The following ANKRD13C variants were observed in gnomAD, a reference collection of about 807,000 sequenced individuals.
The protein encoded by ANKRD13C is ankyrin repeat domain-containing protein 13C.
In ANKRD13C, 16 loss-of-function variants were observed where a neutral mutation model predicts 65.5. That is an observed-to-expected ratio of 0.24 (90% confidence interval 0.17 to 0.37). ANKRD13C has a LOEUF of 0.37. Among genes scored for constraint, ANKRD13C ranks in the 10% least tolerant of loss-of-function variants. The probability of loss-of-function intolerance (pLI) is 1.00; values close to 1 mark genes in which losing one functional copy is unlikely to be tolerated. For synonymous variants in ANKRD13C, 235 were observed against 238.7 expected, an observed-to-expected ratio of 0.98 and a Z score of 0.14; for missense variants, 503 against 655.9, an observed-to-expected ratio of 0.77 and a Z score of 2.55.
intron 2 of ANKRD13C, among the ~76,000 whole-genome samples, chr1:70,333,908 C>T (rs934891838): frequency 6.6e-6 from 1 of 151,976 alleles, no homozygotes; most frequent in East Asian, 1.9e-4. Context: ...AACATGTAGC[C>T]TTTTAATGAA....
At chr1:70,326,481 G>A (rs1425475687) in intron 2 of ANKRD13C, among the ~76,000 whole-genome samples, 1 of 152,128 alleles carries the variant, frequency 6.6e-6, no homozygotes, top group East Asian at 1.9e-4. Context: ...TTAAGACAGT[G>A]TAATGTGGGT....
At chr1:70,347,921 G>A (rs1344897766) in intron 1 of ANKRD13C, among the ~76,000 whole-genome samples, 1 of 152,052 alleles carries the variant, frequency 6.6e-6, no homozygotes, top group African/African-American at 2.4e-5. Flanking sequence ...GGGAAACTGA[G>A]GTCTATCCTA....
intron 12 of ANKRD13C, 23 bp downstream of exon 12, chr1:70,270,833 T>C (rs1678847816): frequency 6.7e-7 from 1 of 1,488,788 alleles, no homozygotes; most frequent in Admixed American, 1.8e-5. Flanking sequence ...GACACTAAAA[T>C]TATATCTAAT....
intron 12 of ANKRD13C, among the ~76,000 whole-genome samples, chr1:70,267,952 A>C (rs1678704952): frequency 6.6e-6 from 1 of 152,204 alleles, no homozygotes; most frequent in African/African-American, 2.4e-5. Context: ...GAAAGTAAGA[A>C]TAGAGAGACA....
intron 1 of ANKRD13C, among the ~76,000 whole-genome samples, chr1:70,342,741 C>T (rs1276880403): frequency 1.5e-5 from 1 of 64,708 alleles, no homozygotes; most frequent in East Asian, 1.1e-3. Context: ...CACACAATAA[C>T]ACACACACAC....
At chr1:70,327,335 A>T (rs1044347107) in intron 2 of ANKRD13C, among the ~76,000 whole-genome samples, 2 of 152,204 alleles carry the variant, frequency 1.3e-5, no homozygotes, top group Non-Finnish European at 2.9e-5. Context: ...CTGATTTTCA[A>T]TTCACAGAAA....
chr1:70,347,047 G>A (rs1258875174), intron 1 of ANKRD13C, among the ~76,000 whole-genome samples: 3 of 138,478 alleles, frequency 2.2e-5, no homozygotes, highest in African/African-American at 5.5e-5. Context: ...AGCCGAGATC[G>A]CGCCACTGCA....
At chr1:70,300,307 G>A (rs2101340213) in intron 7 of ANKRD13C, among the ~76,000 whole-genome samples, 1 of 152,252 alleles carries the variant, frequency 6.6e-6, no homozygotes, top group Middle Eastern at 3.4e-3. Flanking sequence ...ATGAAAATAG[G>A]CCAGGCGCAG....
intron 9 of ANKRD13C, among the ~76,000 whole-genome samples, chr1:70,288,536 A>G (rs903878098): frequency 6.6e-6 from 1 of 152,252 alleles, no homozygotes; most frequent in African/African-American, 2.4e-5. Flanking sequence ...CACTAATACC[A>G]TGAAATACTA....
Position 70,353,976 on chromosome 1 carries a change from C to A in ANKRD13C, c.430+3G>T. ...GAGGTGGAGAGGGGCTAGCACTCCT[C>A]ACCGTGATTATCTTTCTGCCCGATA... On this transcript the variant is annotated splice_donor_region_variant and intron_variant, in intron 1 of 12. Transcript: ENST00000370944. 6.6e-7 allele frequency: 1 copy of A among 1,526,080 alleles called. No homozygotes were observed. Among genetic ancestry groups the A allele is most frequent in the Admixed American group, 2.1e-5 (1 of 47,608 alleles). 94.5% of individuals were successfully genotyped at this position (1,526,080 alleles called of 1,614,324 possible). A position where few individuals can be genotyped will look rare whatever the true frequency, so the allele number is the denominator to read the frequency against.
chr1:70,341,403 C>T (rs1429140719), intron 1 of ANKRD13C, among the ~76,000 whole-genome samples: 1 of 148,716 alleles, frequency 6.7e-6, no homozygotes, highest in East Asian at 2.0e-4. Flanking sequence ...ATTCTGTCAC[C>T]CAGGCTGGAG....
chr1:70,295,307 G>A (rs1680033410), intron 8 of ANKRD13C, among the ~76,000 whole-genome samples: 1 of 151,560 alleles, frequency 6.6e-6, no homozygotes, highest in African/African-American at 2.4e-5. Flanking sequence ...GAGTGCAGTG[G>A]TGCCATCTCG....
At chr1:70,349,507 A>G (rs894329167) in intron 1 of ANKRD13C, among the ~76,000 whole-genome samples, 1 of 152,136 alleles carries the variant, frequency 6.6e-6, no homozygotes, top group African/African-American at 2.4e-5. Flanking sequence ...ACTCAAAAAA[A>G]AAAAAAATTC....
intron 2 of ANKRD13C, among the ~76,000 whole-genome samples, chr1:70,325,610 G>A (rs1681499857): frequency 6.6e-6 from 1 of 152,214 alleles, no homozygotes. Flanking sequence ...CGGGCGCGGT[G>A]GCTCACGCCT....
At chr1:70,346,723 A>C (rs1388674090) in intron 1 of ANKRD13C, among the ~76,000 whole-genome samples, 1 of 152,100 alleles carries the variant, frequency 6.6e-6, no homozygotes, top group Non-Finnish European at 1.5e-5. Flanking sequence ...TATCACCCTC[A>C]CAGTTTCCCC....
chr1:70,297,147 T>C (rs762624876), intron 7 of ANKRD13C, among the ~76,000 whole-genome samples: 1 of 152,034 alleles, frequency 6.6e-6, no homozygotes, highest in African/African-American at 2.4e-5. Context: ...CCTAGGGAGT[T>C]GTCTGGAGAA....
chr1:70,332,507 T>C (rs1048478571), intron 2 of ANKRD13C, among the ~76,000 whole-genome samples: 1 of 152,190 alleles, frequency 6.6e-6, no homozygotes, highest in Admixed American at 6.6e-5. Context: ...CGCTCTGTTA[T>C]CCAGGCTGCA....
At position 70,261,912 on chromosome 1, in the gene ANKRD13C, A is replaced by G. The variant is rs1385653510; in HGVS notation, c.*805T>C. On this transcript the variant is annotated 3_prime_UTR_variant, in exon 13 of 13. Coordinates refer to ENST00000370944, the MANE Select transcript of ANKRD13C (RefSeq NM_030816.5). The stretch of plus-strand genomic sequence containing the variant: ...AGGAATATCTTTAAACATGCTAACC[A>G]TTACCTTATGATGACCATAACAAGG... 1 of 152,390 alleles carries G rather than the reference A, an allele frequency of 6.6e-6. No homozygotes were observed. Among genetic ancestry groups the G allele is most frequent in the African/African-American group, 2.4e-5 (1 of 41,402 alleles). 9.4% of individuals were successfully genotyped at this position (152,390 alleles called of 1,614,324 possible). A position where few individuals can be genotyped will look rare whatever the true frequency, so the allele number is the denominator to read the frequency against.
chr1:70,267,544 C>CA (rs2101105064), intron 12 of ANKRD13C, among the ~76,000 whole-genome samples: 1 of 152,146 alleles, frequency 6.6e-6, no homozygotes, highest in African/African-American at 2.4e-5. Context: ...CAGCCTGGAT[C>CA]ATGTTTTTTA....
Sources: allele counts gnomAD v4.1 joint callset (sites outside exome capture counted in the v4.1 genomes callset), GRCh38; gene constraint gnomAD v4.1.1; transcripts MANE v1.5; gene names NCBI Gene and HGNC (gene_info 2026-07-23, HGNC 2026-07-21).